PEMT: variants seen among roughly 807,000 people sequenced by gnomAD.
PEMT encodes phosphatidylethanolamine N-methyltransferase, also known as phospholipid methyltransferase.
In PEMT, 23 loss-of-function variants were observed where a neutral mutation model predicts 27.4. That is an observed-to-expected ratio of 0.84 (90% CI 0.60 to 1.19). PEMT has a LOEUF of 1.19. Among genes scored for constraint, PEMT ranks in the 50% most tolerant of loss-of-function variants. The pLI, the probability that PEMT is intolerant of heterozygous loss-of-function variation, is 0.00. For missense variants in PEMT, 307 were observed against 310.1 expected (o/e 0.99, Z 0.07); for synonymous variants, 137 against 139.1 (o/e 0.98, Z 0.11).
At chr17:17,554,763 C>A (rs1346358386) in intron 2 of PEMT, among the ~76,000 whole-genome samples, 8 of 152,000 alleles carry the variant, frequency 5.3e-5, no homozygotes. Context: ...TTACAGGTGC[C>A]CGCCACCACT....
intron 2 of PEMT, among the ~76,000 whole-genome samples, chr17:17,543,709 T>C (rs1196779454): frequency 6.6e-6 from 1 of 152,084 alleles, no homozygotes; most frequent in Non-Finnish European, 1.5e-5. Context: ...ATTATAGGCA[T>C]GCACCACCAC....
chr17:17,510,758 A>G (rs1468966140), intron 4 of PEMT, among the ~76,000 whole-genome samples: 20 of 152,118 alleles, frequency 1.3e-4, no homozygotes, highest in Admixed American at 1.3e-3. Context: ...CTGACTGTCC[A>G]GGACCCCCAG....
chr17:17,591,330 TACACGCGCGCGC>T, intron 1 of PEMT, 189 bp downstream of exon 1: 1 of 561,000 alleles, frequency 1.8e-6, no homozygotes, highest in Non-Finnish European at 3.2e-6. Flanking sequence ...ATCTGAGGTT[TACACGCGCGCGC>T]ACACGCACAC....
At chr17:17,590,319 T>A (rs574443104) in intron 1 of PEMT, among the ~76,000 whole-genome samples, 1 of 152,194 alleles carries the variant, frequency 6.6e-6, no homozygotes, top group East Asian at 1.9e-4. Context: ...GCGGCCCATC[T>A]CCTCCTGTGC....
At chr17:17,559,064 C>T (rs770263667) in intron 2 of PEMT, among the ~76,000 whole-genome samples, 4 of 152,244 alleles carry the variant, frequency 2.6e-5, no homozygotes, top group Non-Finnish European at 5.9e-5. Context: ...CTGCTCACTT[C>T]ACCCCGTCGC....
At chr17:17,532,203 T>C (rs186418886) in intron 2 of PEMT, among the ~76,000 whole-genome samples, 2 of 152,270 alleles carry the variant, frequency 1.3e-5, no homozygotes, top group African/African-American at 4.8e-5. Flanking sequence ...GCCAGGGCAA[T>C]TGGACAAGAA....
At chr17:17,565,410 T>C (rs970193440) in intron 2 of PEMT, 1 of 152,294 alleles carries the variant, frequency 6.6e-6, no homozygotes, top group Non-Finnish European at 1.5e-5. Context: ...CAAGGGAAAC[T>C]CCCCTGGAAC....
At chr17:17,533,715 G>C (rs889322231) in intron 2 of PEMT, among the ~76,000 whole-genome samples, 1 of 147,642 alleles carries the variant, frequency 6.8e-6, no homozygotes, top group African/African-American at 2.5e-5. Flanking sequence ...ACTTCTGAAG[G>C]CAGTTCGGCA....
intron 2 of PEMT, among the ~76,000 whole-genome samples, chr17:17,539,110 T>C (rs1908700156): frequency 6.6e-6 from 1 of 152,196 alleles, no homozygotes; most frequent in South Asian, 2.1e-4. Context: ...AAGTAAAATG[T>C]ACCCTTTTTA....
At chr17:17,558,050 G>C (rs1297878718) in intron 2 of PEMT, among the ~76,000 whole-genome samples, 1 of 152,196 alleles carries the variant, frequency 6.6e-6, no homozygotes, top group Non-Finnish European at 1.5e-5. Flanking sequence ...CGGAAAGAAA[G>C]GGCAGTGGAG....
In PEMT at chr17:17,561,295, TCA is replaced by T. The variant is rs1347214249; in HGVS notation, c.204+15623_204+15624del. Among the ~76,000 whole-genome samples the T allele has an allele frequency of 6.6e-6, 1 of 152,200 alleles. No homozygotes were observed. The highest frequency in any genetic ancestry group is 2.4e-5 in the African/African-American group (1 of 41,444). On this transcript the variant is annotated intron_variant, in intron 2 of 6. Transcript: ENST00000255389. This position sits in a 1 kb window ranked among gnomAD's most constrained non-coding sequence, Gnocchi z 4.5. ...GGTGGAACCTACAGGTAACCCTCTT[TCA>T]CAGTTAAGAACGCCAAGGCACGAAG...
chr17:17,546,044 G>T (rs939680518), intron 2 of PEMT, among the ~76,000 whole-genome samples: 1 of 152,178 alleles, frequency 6.6e-6, no homozygotes, highest in African/African-American at 2.4e-5. Flanking sequence ...CACAGCATCT[G>T]CTGAGCCCTG....
rs964385906 is a variant in PEMT, at chr17:17,512,085, G to C, written c.466+424C>G. Among the ~76,000 whole-genome samples, 7 of 152,186 alleles carry C rather than the reference G, an allele frequency of 4.6e-5. No homozygotes were observed. The highest frequency in any genetic ancestry group is 7.2e-5 in the African/African-American group (3 of 41,434). On this transcript the variant is annotated intron_variant, in intron 4 of 6. Transcript: ENST00000255389. The surrounding 1 kb of genome is among the most constrained non-coding windows in gnomAD (Gnocchi z 6.3). Reference sequence around the variant, plus strand: ...ATCCTGCCTGGCCTGAGAGCCACGCGTGCCGGGAGCTGCCAGAGAGGTGGC... The same window carrying C: ...ATCCTGCCTGGCCTGAGAGCCACGCCTGCCGGGAGCTGCCAGAGAGGTGGC...
At chr17:17,541,070 C>T (rs1278048965) in intron 2 of PEMT, among the ~76,000 whole-genome samples, 1 of 152,224 alleles carries the variant, frequency 6.6e-6, no homozygotes, top group African/African-American at 2.4e-5. Flanking sequence ...AGAGCCACCA[C>T]TGGGATTCTG....
chr17:17,506,077 T>C, intron 6 of PEMT, 150 bp downstream of exon 6: 1 of 964,688 alleles, frequency 1.0e-6, no homozygotes, highest in Non-Finnish European at 1.5e-6. Context: ...CATTGTAAGC[T>C]ACCATGGCCG....
At chr17:17,580,466 G>C (rs1427885482) in intron 1 of PEMT, among the ~76,000 whole-genome samples, 1 of 151,826 alleles carries the variant, frequency 6.6e-6, no homozygotes, top group Non-Finnish European at 1.5e-5. Flanking sequence ...GACAGAACGA[G>C]ACTCCGTCTC....
At chr17:17,526,937 G>C (rs1394894658) in intron 2 of PEMT, among the ~76,000 whole-genome samples, 1 of 152,198 alleles carries the variant, frequency 6.6e-6, no homozygotes, top group African/African-American at 2.4e-5. Context: ...CAAGAAGCAC[G>C]ACCCCCTTCT....
At chr17:17,538,195 G>C (rs1908619825) in intron 2 of PEMT, among the ~76,000 whole-genome samples, 1 of 152,222 alleles carries the variant, frequency 6.6e-6, no homozygotes, top group Non-Finnish European at 1.5e-5. Flanking sequence ...AGCCCAACTG[G>C]ACAGGGAGGC....
At chr17:17,544,640 A>T (rs967831005) in intron 2 of PEMT, among the ~76,000 whole-genome samples, 3 of 152,160 alleles carry the variant, frequency 2.0e-5, no homozygotes, top group Admixed American at 2.0e-4. Flanking sequence ...GGTGTCCTCA[A>T]GTGTGACGGG....
Sources: allele counts gnomAD v4.1 joint callset (sites outside exome capture counted in the v4.1 genomes callset), GRCh38; gene constraint gnomAD v4.1.1; non-coding constraint Gnocchi (gnomAD v3.1); transcripts MANE v1.5; gene names NCBI Gene and HGNC (gene_info 2026-07-23, HGNC 2026-07-21).